Variants in AUTS2 observed in about 807,000 individuals in gnomAD.
AUTS2 encodes autism susceptibility gene 2 protein.
AUTS2 carries 17 observed loss-of-function variants against 112.4 expected under a neutral mutation model. The observed-to-expected ratio is 0.15, with a 90% confidence interval of 0.10 to 0.23. The LOEUF is 0.23. Ranked by LOEUF, AUTS2 falls within the 10% of genes least tolerant of loss-of-function variation. AUTS2 has a pLI of 1.00. For synonymous variants in AUTS2, 751 were observed against 702.7 expected, an observed-to-expected ratio of 1.07 and a Z score of -1.09; for missense variants, 1,510 against 1,701.6, an observed-to-expected ratio of 0.89 and a Z score of 1.98.
At chr7:69,742,073 AT>A (rs1787290744) in intron 1 of AUTS2, among the ~76,000 whole-genome samples, 2 of 145,482 alleles carry the variant, frequency 1.4e-5, no homozygotes, top group South Asian at 4.6e-4. Context: ...AAGTGCTGGG[AT>A]TATAGGCATA....
intron 5 of AUTS2, among the ~76,000 whole-genome samples, chr7:70,496,039 C>T (rs952233777): frequency 7.9e-6 from 1 of 126,928 alleles, no homozygotes; most frequent in African/African-American, 3.1e-5. Flanking sequence ...CACACATGCA[C>T]ACGTCACATC....
chr7:70,720,905 A>C (rs1786609378), intron 6 of AUTS2, among the ~76,000 whole-genome samples: 2 of 152,132 alleles, frequency 1.3e-5, no homozygotes, highest in African/African-American at 4.8e-5. Flanking sequence ...TGAACTGTAA[A>C]GTGAAAAGGT....
intron 1 of AUTS2, among the ~76,000 whole-genome samples, chr7:69,758,655 T>C (rs999689638): frequency 6.6e-6 from 1 of 152,220 alleles, no homozygotes; most frequent in African/African-American, 2.4e-5. Context: ...ACACATTTGT[T>C]ACTTGCTGAA....
chr7:70,132,586 T>TGTTC (rs1806335056), intron 3 of AUTS2, among the ~76,000 whole-genome samples: 1 of 152,192 alleles, frequency 6.6e-6, no homozygotes, highest in South Asian at 2.1e-4. Flanking sequence ...TGATACCCAC[T>TGTTC]GTTCCCTCAT....
intron 1 of AUTS2, among the ~76,000 whole-genome samples, chr7:69,672,035 C>A (rs1013828904): frequency 1.3e-5 from 2 of 150,886 alleles, no homozygotes; most frequent in Non-Finnish European, 2.9e-5. Flanking sequence ...GAGAGTAGAA[C>A]AAAGAGGGGA....
chr7:70,073,016 TCTCCC>T (rs1337664474), intron 2 of AUTS2, among the ~76,000 whole-genome samples: 6 of 126,516 alleles, frequency 4.7e-5, no homozygotes, highest in Non-Finnish European at 1.0e-4. Context: ...GCTTTCTCCC[TCTCCC>T]CTCCCCTCCC....
intron 2 of AUTS2, among the ~76,000 whole-genome samples, chr7:70,102,849 C>T (rs1037645538): frequency 2.6e-5 from 4 of 151,970 alleles, no homozygotes; most frequent in African/African-American, 9.6e-5. Context: ...CCAAAAAAAA[C>T]TGTTAGAGAC....
At chr7:70,542,634 G>GC (rs1563028613) in intron 5 of AUTS2, among the ~76,000 whole-genome samples, 2 of 152,172 alleles carry the variant, frequency 1.3e-5, no homozygotes, top group Non-Finnish European at 2.9e-5. Flanking sequence ...GGTTAACAGA[G>GC]CCCCCTGCTA....
At chr7:69,725,189 A>G (rs1786447402) in intron 1 of AUTS2, among the ~76,000 whole-genome samples, 1 of 152,168 alleles carries the variant, frequency 6.6e-6, no homozygotes. Flanking sequence ...GAGTATTGGT[A>G]TTAATTTATT....
At chr7:70,296,948 T>G (rs2129612764) in intron 4 of AUTS2, among the ~76,000 whole-genome samples, 1 of 151,340 alleles carries the variant, frequency 6.6e-6, no homozygotes, top group East Asian at 1.9e-4. Flanking sequence ...CTCAAGTGAT[T>G]CTCCCACCTT....
intron 5 of AUTS2, among the ~76,000 whole-genome samples, chr7:70,474,838 T>C (rs1797521126): frequency 6.6e-6 from 1 of 152,192 alleles, no homozygotes; most frequent in Admixed American, 6.5e-5. Flanking sequence ...CCTAAAGCAC[T>C]TTATGACGGA....
chr7:70,656,812 C>T (rs1162070324), intron 5 of AUTS2, among the ~76,000 whole-genome samples: 2 of 152,168 alleles, frequency 1.3e-5, no homozygotes, highest in Non-Finnish European at 2.9e-5. Flanking sequence ...TCATTTCAAC[C>T]TCTGCGACTA....
chr7:70,450,709 G>A (rs1250538943), intron 5 of AUTS2, among the ~76,000 whole-genome samples: 2 of 152,182 alleles, frequency 1.3e-5, no homozygotes, highest in Non-Finnish European at 2.9e-5. Flanking sequence ...GATTCAGGCA[G>A]TGGCATGAAG....
chr7:69,731,773 G>T (rs560690369), intron 1 of AUTS2, among the ~76,000 whole-genome samples: 2 of 152,084 alleles, frequency 1.3e-5, no homozygotes, highest in Non-Finnish European at 2.9e-5. Flanking sequence ...CTAAAACTGC[G>T]TGAACACAAA....
At chr7:70,088,042 T>C (rs1023292998) in intron 2 of AUTS2, among the ~76,000 whole-genome samples, 2 of 152,116 alleles carry the variant, frequency 1.3e-5, no homozygotes, top group Admixed American at 1.3e-4. Flanking sequence ...TGTCTTTTTT[T>C]TTTTTTTCCA....
intron 1 of AUTS2, among the ~76,000 whole-genome samples, chr7:69,714,978 G>A (rs1463495057): frequency 6.6e-6 from 1 of 151,680 alleles, no homozygotes; most frequent in African/African-American, 2.4e-5. Context: ...CTCCCTTAGT[G>A]CTGTTCTTAA....
chr7:70,480,865 G>A (rs1797762035), intron 5 of AUTS2, among the ~76,000 whole-genome samples: 2 of 152,202 alleles, frequency 1.3e-5, no homozygotes, highest in African/African-American at 4.8e-5. Context: ...AATTTAAGCA[G>A]TGCCTCAAAG....
At chr7:69,979,902 A>G (rs1305236518) in intron 2 of AUTS2, among the ~76,000 whole-genome samples, 1 of 152,202 alleles carries the variant, frequency 6.6e-6, no homozygotes, top group African/African-American at 2.4e-5. Flanking sequence ...TCCAGTGCTT[A>G]GAATAGCTGT....
intron 4 of AUTS2, among the ~76,000 whole-genome samples, chr7:70,165,901 A>G (rs896776401): frequency 1.3e-5 from 2 of 152,154 alleles, no homozygotes; most frequent in Admixed American, 6.5e-5. Context: ...TGTTGGAGGA[A>G]GGGCCTGGTG....
Sources: gnomAD v4.1 joint callset for allele counts (sites outside exome capture counted in the v4.1 genomes callset) on GRCh38, gnomAD v4.1.1 for gene constraint, MANE v1.5 for transcripts, NCBI Gene and HGNC (gene_info 2026-07-23, HGNC 2026-07-21) for gene names.